Variants in SFMBT1 observed in about 807,000 individuals in gnomAD.
SFMBT1 encodes the protein scm-like with four MBT domains protein 1.
SFMBT1 carries 32 observed loss-of-function variants against 108.7 expected under a neutral mutation model. The observed-to-expected ratio is 0.29, with a 90% CI of 0.22 to 0.40. The LOEUF (loss-of-function observed/expected upper bound fraction) is 0.40. Ranked by LOEUF, SFMBT1 falls within the 10% of genes least tolerant of loss-of-function variation. SFMBT1 has a pLI of 1.00. For synonymous variants in SFMBT1, 348 were observed against 369.5 expected, an observed-to-expected ratio of 0.94 and a Z score of 0.67; for missense variants, 816 against 1,059.6, an observed-to-expected ratio of 0.77 and a Z score of 3.19.
At chr3:52,991,716 G>A (rs1705139658) in intron 1 of SFMBT1, among the ~76,000 whole-genome samples, 1 of 152,014 alleles carries the variant, frequency 6.6e-6, no homozygotes, top group Admixed American at 6.6e-5. Context: ...TTGGATCAAT[G>A]CCATTATAAG....
chr3:53,040,968 A>ATTTTTTTT lies in SFMBT1; in HGVS notation c.-131+4840_-131+4847dup, dbSNP rs57640588. Among the ~76,000 whole-genome samples, 77 of 46,386 alleles carry ATTTTTTTT rather than the reference A, an allele frequency of 1.7e-3. 5 individuals are homozygous for ATTTTTTTT. The highest frequency in any genetic ancestry group is 2.0e-3 in the East Asian group (3 of 1,512). The allele number at this position is 46,386 out of a possible 152,430, so 30.4% of individuals were successfully genotyped here. A position where few individuals can be genotyped will look rare whatever the true frequency, so the allele number is the denominator to read the frequency against. ...TACAGGCATGCACCAAGACACCTGA[A>ATTTTTTTT]TTTTTTTTTTTTTTTTTTTTTTTTT... On this transcript the variant is annotated intron_variant, in intron 1 of 20. Transcript: ENST00000394752.
intron 1 of SFMBT1, among the ~76,000 whole-genome samples, chr3:53,012,548 G>A (rs1220010503): frequency 6.6e-6 from 1 of 151,992 alleles, no homozygotes; most frequent in Non-Finnish European, 1.5e-5. Flanking sequence ...GACTACAGGC[G>A]CCCGCCACCA....
chr3:52,977,141 G>C (rs984911317), intron 1 of SFMBT1, among the ~76,000 whole-genome samples: 1 of 152,140 alleles, frequency 6.6e-6, no homozygotes. Flanking sequence ...TCATTTCAGG[G>C]CATACACAGA....
intron 1 of SFMBT1, among the ~76,000 whole-genome samples, chr3:52,973,080 A>G (rs1294515897): frequency 6.6e-6 from 1 of 152,046 alleles, no homozygotes; most frequent in African/African-American, 2.4e-5. Context: ...GGCTGGGCCC[A>G]ATGGCTCACC....
chr3:52,907,548 C>G lies in SFMBT1; in HGVS notation c.2085+7G>C, dbSNP rs760507547. ...AAGACATTACAGGCACATCACAGATCTCATACCTGGGGAGAGCCCGCTGGG... is the reference window on the plus strand; with the variant it reads ...AAGACATTACAGGCACATCACAGATGTCATACCTGGGGAGAGCCCGCTGGG... On this transcript the variant is annotated splice_region_variant and intron_variant, in intron 18 of 20. Coordinates refer to ENST00000394752, the MANE Select transcript of SFMBT1 (RefSeq NM_016329.4). 6 of 1,610,896 alleles carry G rather than the reference C, an allele frequency of 3.7e-6. No homozygotes were observed. The highest frequency in any genetic ancestry group is 5.1e-6 in the Non-Finnish European group (6 of 1,178,578).
At position 52,969,111 on chromosome 3, in the gene SFMBT1, C is replaced by A; in HGVS notation, c.18G>T (p.Gln6His). 1 of 1,614,068 alleles carries A rather than the reference C, an allele frequency of 6.2e-7. No homozygotes were observed. ...GAATAAAACCAATACCTGCATCAAG[C>A]TGCTGCTCCCCGTTCATTTCCACAG... MNGEQQLDADAGSGME... is the reference protein window; with the variant it reads MNGEQHLDADAGSGME... The change falls in exon 2 of 21, where the codon CAG becomes CAT. Residue 6 changes from glutamine (Q) to histidine (H), a missense_variant. By Grantham distance (24) the Gln-to-His change is conservative (BLOSUM62 0). Coordinates refer to ENST00000394752, the MANE Select transcript of SFMBT1 (RefSeq NM_016329.4).
chr3:52,926,939 C>T (rs924263068), intron 9 of SFMBT1, among the ~76,000 whole-genome samples: 2 of 152,174 alleles, frequency 1.3e-5, no homozygotes, highest in Non-Finnish European at 2.9e-5. Flanking sequence ...TTGCCCCAAC[C>T]TCAATGCCTG....
intron 14 of SFMBT1, among the ~76,000 whole-genome samples, chr3:52,915,828 C>A (rs1702331399): frequency 6.6e-6 from 1 of 152,180 alleles, no homozygotes; most frequent in South Asian, 2.1e-4. Context: ...AACCATCTAG[C>A]TTAAGAAAGA....
chr3:52,907,581 C>G lies in SFMBT1; in HGVS notation c.2059G>C (p.Asp687His). Residue 687 changes from aspartate (D) to histidine (H), a missense_variant, in exon 18 of 21, where the codon GAT becomes CAT. Coordinates refer to ENST00000394752, the MANE Select transcript of SFMBT1 (RefSeq NM_016329.4). ...TGGGGAGAGCCCGCTGGGGTATTAT[C>G]AACAGATGCAGAGGAGCGTTTCTTC... Reference protein sequence around the residue: ...HKKKRSSASVDNTPAGSPQGS... With the variant: ...HKKKRSSASVHNTPAGSPQGS... The G allele has an allele frequency of 6.2e-7, 1 of 1,613,776 alleles. No individual in the cohort carries two copies. The highest frequency in any genetic ancestry group is 8.5e-7 in the Non-Finnish European group (1 of 1,179,916).
chr3:52,921,345 T>C (rs986536417), intron 11 of SFMBT1, among the ~76,000 whole-genome samples: 2 of 152,152 alleles, frequency 1.3e-5, no homozygotes, highest in African/African-American at 4.8e-5. Flanking sequence ...TATATACTTT[T>C]TGGTTCTATT....
At chr3:53,020,900 T>G (rs1218100447) in intron 1 of SFMBT1, among the ~76,000 whole-genome samples, 2 of 151,880 alleles carry the variant, frequency 1.3e-5, no homozygotes, top group Non-Finnish European at 2.9e-5. Flanking sequence ...CTACTAAAAA[T>G]ACAAAAAATT....
intron 1 of SFMBT1, among the ~76,000 whole-genome samples, chr3:52,971,997 T>TAA (rs1292933102): frequency 1.3e-5 from 2 of 152,270 alleles, no homozygotes; most frequent in African/African-American, 2.4e-5. Flanking sequence ...GGCACTGTTT[T>TAA]AAGCAGGTTG....
At chr3:52,932,365 A>G in intron 5 of SFMBT1, 57 bp from the exon 6 acceptor site, 1 of 1,541,848 alleles carries the variant, frequency 6.5e-7, no homozygotes, top group Non-Finnish European at 8.8e-7. Context: ...ATATTTTTGA[A>G]AAGCCAACTT....
rs1702833973 is a variant in SFMBT1, at chr3:52,930,841, T to A, written c.795+100A>T. The A allele has an allele frequency of 1.1e-5, 10 of 873,484 alleles. No individual in the cohort carries two copies. In the South Asian group the frequency reaches 1.5e-4, roughly 13 times the overall value. 54.1% of individuals were successfully genotyped at this position (873,484 alleles called of 1,614,324 possible). A position where few individuals can be genotyped will look rare whatever the true frequency, so the allele number is the denominator to read the frequency against. On this transcript the variant is annotated intron_variant, in intron 7 of 20. Transcript: ENST00000394752. ...CCTCCTCCTTCAGAGACCATGGCAT[T>A]CTTACCGACTGCAGGGGCTGCTTTA...
At chr3:52,926,548 CT>C (rs909267452) in intron 9 of SFMBT1, among the ~76,000 whole-genome samples, 1 of 152,140 alleles carries the variant, frequency 6.6e-6, no homozygotes, top group Non-Finnish European at 1.5e-5. Context: ...AAGACGAAGA[CT>C]TTTTTTCTTT....
chr3:52,998,972 C>T (rs997086809), intron 1 of SFMBT1, among the ~76,000 whole-genome samples: 2 of 150,816 alleles, frequency 1.3e-5, no homozygotes, highest in Admixed American at 1.3e-4. Context: ...AGCTGGTGCG[C>T]GAGCTGGGTA....
At chr3:52,949,565 CTTCTTTTTTTTTT>C (rs1703496609) in intron 3 of SFMBT1, among the ~76,000 whole-genome samples, 1 of 119,208 alleles carries the variant, frequency 8.4e-6, no homozygotes, top group African/African-American at 3.2e-5. Context: ...ATGTAATGTC[CTTCTTTTTTTTTT>C]TTTTTTTTTT....
At chr3:52,943,792 G>A (rs1290899855) in intron 3 of SFMBT1, among the ~76,000 whole-genome samples, 199 bp from the exon 4 acceptor site, 5 of 152,120 alleles carry the variant, frequency 3.3e-5, no homozygotes, top group Non-Finnish European at 5.9e-5. Flanking sequence ...TGTTCCATCT[G>A]ACAATGAAGG....
At chr3:53,035,756 C>CTT (rs1699849950) in intron 1 of SFMBT1, among the ~76,000 whole-genome samples, 1 of 152,166 alleles carries the variant, frequency 6.6e-6, no homozygotes, top group East Asian at 1.9e-4. Flanking sequence ...GTCACCACGC[C>CTT]CAGCTAATTT....
Sources: gnomAD v4.1 joint callset for allele counts (sites outside exome capture counted in the v4.1 genomes callset) on GRCh38, gnomAD v4.1.1 for gene constraint, MANE v1.5 for transcripts, NCBI Gene and HGNC (gene_info 2026-07-23, HGNC 2026-07-21) for gene names.